The following MOCS1 variants were observed in gnomAD, a reference collection of about 807,000 sequenced individuals.
MOCS1 encodes molybdenum cofactor synthesis 1.
MOCS1 carries 39 observed loss-of-function variants against 57.6 expected under a neutral mutation model. The ratio of observed to expected loss-of-function variants is 0.68; its 90% CI spans 0.52 to 0.88. The LOEUF is 0.88. MOCS1 is among the 40% of genes least tolerant of loss of function. The probability of loss-of-function intolerance (pLI) is 0.00; values close to 1 mark genes in which losing one functional copy is unlikely to be tolerated. For missense variants in MOCS1, 795 were observed against 831.1 expected, an observed-to-expected ratio of 0.96 and a Z score of 0.53; for synonymous variants, 334 against 335.7, an observed-to-expected ratio of 1.00 and a Z score of 0.05.
rs893929520 is a variant in MOCS1 at position 39,905,071 on chromosome 6, T to C, written c.*1286A>G. ...CAAATTGTCTTTTCCAGAGAGCTGGTTGTTTAATATTTGCCAGCACACCTT... is the reference window on the plus strand; with the variant it reads ...CAAATTGTCTTTTCCAGAGAGCTGGCTGTTTAATATTTGCCAGCACACCTT... On this transcript the variant is annotated 3_prime_UTR_variant, in exon 11 of 11. Transcript: ENST00000340692. 6 of 454,104 alleles carry C rather than the reference T, an allele frequency of 1.3e-5. No individual in the cohort carries two copies. The highest frequency in any genetic ancestry group is 1.2e-4 in the African/African-American group (6 of 49,952). The allele number at this position is 454,104 out of a possible 1,614,324, so 28.1% of individuals were successfully genotyped here.
intron 2 of MOCS1, 175 bp downstream of exon 2, chr6:39,927,154 C>T (rs1582836361): frequency 1.5e-6 from 1 of 667,214 alleles, no homozygotes; most frequent in East Asian, 2.8e-5. Context: ...ACAACTCAGC[C>T]TTGACCCCTA....
chr6:39,906,969 A>C lies in MOCS1; in HGVS notation c.1299T>G (p.Pro433=), dbSNP rs1766996546. The change falls in exon 11 of 11, where the codon CCT becomes CCG. Residue 433 remains proline (P), a synonymous_variant. Coordinates refer to ENST00000340692, the MANE Select transcript of MOCS1 (RefSeq NM_001358530.2). The part of the protein sequence containing the change: ...LWKGCRVPQT[P]PLAQQRLGSG... ...ACCCCAGCCGCTGCTGGGCTAGAGGAGGGGTCTGGGGGACCCTGCATCCTT... is the reference window on the plus strand; with the variant it reads ...ACCCCAGCCGCTGCTGGGCTAGAGGCGGGGTCTGGGGGACCCTGCATCCTT... The C allele has an allele frequency of 2.5e-6, 4 of 1,613,998 alleles. No individual in the cohort carries two copies. In the East Asian group the frequency reaches 8.9e-5, roughly 36 times the overall value.
In MOCS1 at chr6:39,912,850, G is replaced by A. The variant is rs752992720; in HGVS notation, c.870+42C>T. 10 of 1,510,674 alleles carry A rather than the reference G, an allele frequency of 6.6e-6. 1 individual carries two copies. In the South Asian group the frequency reaches 6.7e-5, roughly 10 times the overall value. 93.6% of individuals were successfully genotyped at this position (1,510,674 alleles called of 1,614,324 possible). ...GCTCTCCATCCTAGGGTGGAGGTAC[G>A]ACCTTCCTCCAGGCCTGCCCCACAC... is the stretch of plus-strand genomic sequence containing the variant. On this transcript the variant is annotated intron_variant, in intron 7 of 10. Coordinates refer to ENST00000340692, the MANE Select transcript of MOCS1 (RefSeq NM_001358530.2).
intron 1 of MOCS1, among the ~76,000 whole-genome samples, chr6:39,928,645 G>T (rs73732324): frequency 0.022 from 3,421 of 152,272 alleles, 124 homozygotes; most frequent in African/African-American, 0.077. Flanking sequence ...AGAAACCCTG[G>T]TTTCTGCAGT....
intron 3 of MOCS1, among the ~76,000 whole-genome samples, chr6:39,918,722 C>T (rs1253640851): frequency 6.6e-6 from 1 of 151,792 alleles, no homozygotes; most frequent in African/African-American, 2.4e-5. Context: ...GCAGTAAACA[C>T]AAGATGCAGA....
rs1377033124 is a variant in MOCS1, at chr6:39,905,757, C to CTGT, written c.*597_*599dup. 4 of 471,160 alleles carry CTGT rather than the reference C, an allele frequency of 8.5e-6. No homozygotes were observed. The highest frequency in any genetic ancestry group is 2.0e-5 in the African/African-American group (1 of 50,182). The allele number at this position is 471,160 out of a possible 1,614,324, so 29.2% of individuals were successfully genotyped here. A position where few individuals can be genotyped will look rare whatever the true frequency, so the allele number is the denominator to read the frequency against. ...AAAAGGGGCCAGCAGGACCGGGCAA[C>CTGT]TGTTAAGCTGAAAGGCTGCAAGTCT... On this transcript the variant is annotated 3_prime_UTR_variant, in exon 11 of 11. Coordinates refer to ENST00000340692, the MANE Select transcript of MOCS1 (RefSeq NM_001358530.2).
chr6:39,916,348 G>T, intron 3 of MOCS1, 116 bp from the exon 4 acceptor site: 1 of 1,264,938 alleles, frequency 7.9e-7, no homozygotes, highest in Non-Finnish European at 1.1e-6. Flanking sequence ...GAGGCTCTCT[G>T]CAGACCTATA....
intron 3 of MOCS1, among the ~76,000 whole-genome samples, chr6:39,921,997 C>T (rs1168687030): frequency 6.6e-6 from 1 of 152,148 alleles, no homozygotes; most frequent in Non-Finnish European, 1.5e-5. Context: ...AAGCTAAGTC[C>T]AGCTCATCTG....
At chr6:39,912,421 TA>T in intron 7 of MOCS1, 47 bp from the exon 8 acceptor site, 11 of 1,340,324 alleles carry the variant, frequency 8.2e-6, no homozygotes, top group Non-Finnish European at 9.7e-6. Flanking sequence ...GGGGATGGGC[TA>T]CTGAGCCCAG....
At chr6:39,925,329 G>C (rs141147132) in intron 3 of MOCS1, among the ~76,000 whole-genome samples, 1 of 152,066 alleles carries the variant, frequency 6.6e-6, no homozygotes, top group East Asian at 1.9e-4. Flanking sequence ...GTCAAGGCCC[G>C]GTCATGTGAA....
chr6:39,918,621 T>C (rs920634516), intron 3 of MOCS1, among the ~76,000 whole-genome samples: 10 of 152,194 alleles, frequency 6.6e-5, no homozygotes, highest in Non-Finnish European at 1.2e-4. Context: ...GACGGAACAT[T>C]ATGCAACCCA....
At chr6:39,913,255 C>T in intron 6 of MOCS1, 62 bp downstream of exon 6, 1 of 1,433,874 alleles carries the variant, frequency 7.0e-7, no homozygotes, top group Non-Finnish European at 9.8e-7. Flanking sequence ...GGGTGAGCCA[C>T]ACTATGCGAC....
Position 39,934,395 on chromosome 6 carries a change from C to G in MOCS1, c.23G>C (p.Arg8Pro), listed in dbSNP as rs773214986. The G allele has an allele frequency of 1.9e-6, 3 of 1,564,752 alleles. No homozygotes were observed. Among genetic ancestry groups the G allele is most frequent in the South Asian group, 1.2e-5 (1 of 85,790 alleles). The change falls in exon 1 of 11, where the codon CGG (arginine) becomes CCG (proline). Residue 8 changes from arginine to proline, a missense_variant. Coordinates refer to ENST00000340692, the MANE Select transcript of MOCS1 (RefSeq NM_001358530.2). ...GGACCTCAGAAGCCGCCGCAGCATC[C>G]GGGACAGTGGCCGCGCCGCCATGAA... MAARPLSRMLRRLLRSSA... is the reference protein window; with the variant it reads MAARPLSPMLRRLLRSSA...
intron 1 of MOCS1, chr6:39,932,530 T>C (rs1409516484): frequency 6.6e-6 from 1 of 152,224 alleles, no homozygotes; most frequent in Non-Finnish European, 1.5e-5. Flanking sequence ...GCTACAATTA[T>C]TGGCTGAATC....
chr6:39,905,562 G>A lies in MOCS1; in HGVS notation c.*795C>T. The A allele has an allele frequency of 2.1e-6, 1 of 471,132 alleles. No homozygotes were observed. The allele number at this position is 471,132 out of a possible 1,614,324, so 29.2% of individuals were successfully genotyped here. A position where few individuals can be genotyped will look rare whatever the true frequency, so the allele number is the denominator to read the frequency against. ...CGTAGCTTTATTTGTGCGCTGTGAG[G>A]GTGAAGGCAATCTATCATCAACTTT... On this transcript the variant is annotated 3_prime_UTR_variant, in exon 11 of 11. Transcript: ENST00000340692.
chr6:39,934,431 A>G lies in MOCS1; in HGVS notation c.-14T>C, dbSNP rs764141737. The G allele has an allele frequency of 1.3e-4, 201 of 1,565,190 alleles. No individual in the cohort carries two copies. The highest frequency in any genetic ancestry group is 6.2e-4 in the Middle Eastern group (3 of 4,832). ...CCGCGCCGCCATGAAGCCTGATACG[A>G]GCGGAACCGCAGCCCGCTTCGGGAG... On this transcript the variant is annotated 5_prime_UTR_variant, in exon 1 of 11. Coordinates refer to ENST00000340692, the MANE Select transcript of MOCS1 (RefSeq NM_001358530.2).
At position 39,905,329 on chromosome 6, in the gene MOCS1, C is replaced by T. The variant is rs1383776810; in HGVS notation, c.*1028G>A. On this transcript the variant is annotated 3_prime_UTR_variant, in exon 11 of 11. Transcript: ENST00000340692. ...CCTTAGATGGTGCATTTCTATGCCCCCTACTCCACTTTATTTTCCCATAGC... is the reference window on the plus strand; with the variant it reads ...CCTTAGATGGTGCATTTCTATGCCCTCTACTCCACTTTATTTTCCCATAGC... 2 of 456,940 alleles carry T rather than the reference C, an allele frequency of 4.4e-6. No homozygotes were observed. Among genetic ancestry groups the T allele is most frequent in the East Asian group, 6.9e-5 (1 of 14,400 alleles). The allele number at this position is 456,940 out of a possible 1,614,324, so 28.3% of individuals were successfully genotyped here.
intron 3 of MOCS1, among the ~76,000 whole-genome samples, chr6:39,920,465 G>T (rs1420981671): frequency 1.3e-5 from 2 of 152,098 alleles, no homozygotes; most frequent in African/African-American, 4.8e-5. Context: ...TGTTTAAAGT[G>T]GCACCGTCCA....
In MOCS1 at chr6:39,905,961, A is replaced by AATC. The variant is rs1412009955; in HGVS notation, c.*393_*395dup. On this transcript the variant is annotated 3_prime_UTR_variant, in exon 11 of 11. Coordinates refer to ENST00000340692, the MANE Select transcript of MOCS1 (RefSeq NM_001358530.2). ...GGGCTCCTCTGCTTAATGAGCGCTT[A>AATC]ATCTCTCCCCAGGAAAGCAGGAGAA... is the stretch of plus-strand genomic sequence containing the variant. The AATC allele has an allele frequency of 1.1e-5, 5 of 462,588 alleles. No homozygotes were observed. The East Asian group carries it at 3.5e-4, about 33-fold the overall frequency. The allele number at this position is 462,588 out of a possible 1,614,324, so 28.7% of individuals were successfully genotyped here.
Sources: gnomAD v4.1 joint callset for allele counts (sites outside exome capture counted in the v4.1 genomes callset) on GRCh38, gnomAD v4.1.1 for gene constraint, MANE v1.5 for transcripts, NCBI Gene and HGNC (gene_info 2026-07-23, HGNC 2026-07-21) for gene names.